QRFPR: variants seen among roughly 807,000 people sequenced by gnomAD.
QRFPR encodes pyroglutamylated RF-amide peptide receptor.
A neutral mutation model predicts 31.3 loss-of-function variants in QRFPR; 37 were observed. That is an observed-to-expected ratio of 1.18 (90% CI 0.91 to 1.56). The LOEUF (loss-of-function observed/expected upper bound fraction) is 1.56, where lower values mean the gene tolerates loss of function less well. Among genes scored for constraint, QRFPR ranks in the 40% most tolerant of loss-of-function variants. The probability of loss-of-function intolerance (pLI) is 0.00; values close to 1 mark genes in which losing one functional copy is unlikely to be tolerated. For missense variants in QRFPR, 542 were observed against 532.5 expected, an observed-to-expected ratio of 1.02 and a Z score of -0.18; for synonymous variants, 197 against 192.0, an observed-to-expected ratio of 1.03 and a Z score of -0.22.
At chr4:121,370,174 C>T in intron 1 of QRFPR, 3 of 770,284 alleles carry the variant, frequency 3.9e-6, no homozygotes, top group Admixed American at 1.7e-5. Context: ...TCTGAAATCA[C>T]TGGCTTCCAA....
At chr4:121,356,774 T>C (rs907555005) in intron 1 of QRFPR, among the ~76,000 whole-genome samples, 4 of 152,092 alleles carry the variant, frequency 2.6e-5, no homozygotes, top group Non-Finnish European at 5.9e-5. Context: ...TTCTCCATTA[T>C]GGGCTGCCTG....
intron 1 of QRFPR, among the ~76,000 whole-genome samples, chr4:121,351,568 C>G (rs1346388067): frequency 2.6e-5 from 4 of 151,768 alleles, no homozygotes; most frequent in African/African-American, 9.7e-5. Flanking sequence ...GACAGTAAAG[C>G]AGAAATCAGA....
chr4:121,345,043 G>A (rs72668969), intron 1 of QRFPR, among the ~76,000 whole-genome samples: 6,672 of 152,236 alleles, frequency 0.044, 230 homozygotes, highest in East Asian at 0.11. Context: ...CCTGGAATGT[G>A]TATTTCTCAT....
At chr4:121,336,991 T>C in intron 2 of QRFPR, 123 bp from the exon 3 acceptor site, 1 of 845,036 alleles carries the variant, frequency 1.2e-6, no homozygotes, top group South Asian at 1.4e-5. Flanking sequence ...GGCAGTGCCA[T>C]GGTCTCCCCC....
chr4:121,369,809 G>T, intron 1 of QRFPR: 1 of 1,391,346 alleles, frequency 7.2e-7, no homozygotes, highest in Non-Finnish European at 1.0e-6. Flanking sequence ...TGAAAAGTGA[G>T]AAGTGGTGCT....
At chr4:121,361,910 C>CG (rs1560742108) in intron 1 of QRFPR, among the ~76,000 whole-genome samples, 1 of 150,260 alleles carries the variant, frequency 6.7e-6, no homozygotes, top group Non-Finnish European at 1.5e-5. Context: ...CTCCTGTTCC[C>CG]TTTTCAAATT....
At chr4:121,350,373 G>A (rs1725740684) in intron 1 of QRFPR, among the ~76,000 whole-genome samples, 1 of 152,072 alleles carries the variant, frequency 6.6e-6, no homozygotes, top group Admixed American at 6.6e-5. Context: ...GGTGTCTGGT[G>A]GTTTGATTGA....
intron 1 of QRFPR, among the ~76,000 whole-genome samples, chr4:121,363,576 T>C (rs752740005): frequency 1.3e-5 from 2 of 149,800 alleles, no homozygotes; most frequent in African/African-American, 5.0e-5. Context: ...TTCTTTCTCT[T>C]TGGAAAAAGA....
intron 1 of QRFPR, among the ~76,000 whole-genome samples, chr4:121,343,741 G>A (rs973939825): frequency 6.6e-6 from 1 of 151,834 alleles, no homozygotes; most frequent in African/African-American, 2.4e-5. Context: ...TAAATAATTT[G>A]GTTGAAAGGA....
chr4:121,340,461 T>G lies in QRFPR; in HGVS notation c.490A>C (p.Thr164Pro). ...KWQYTNRRAFTMLGVVWLVAV... is the reference protein window; with the variant it reads ...KWQYTNRRAFPMLGVVWLVAV... The stretch of plus-strand genomic sequence containing the variant: ...CATCCAGTGGCCTCACCTAGCATTG[T>G]GAAAGCCCTTCGGTTGGTGTATTGC... The change falls in exon 2 of 6, where the codon ACA (threonine) becomes CCA (proline). Residue 164 changes from threonine to proline, a missense_variant. Coordinates refer to ENST00000394427, the MANE Select transcript of QRFPR (RefSeq NM_198179.3). 1 of 1,614,030 alleles carries G rather than the reference T, an allele frequency of 6.2e-7. No individual in the cohort carries two copies. The highest frequency in any genetic ancestry group is 8.5e-7 in the Non-Finnish European group (1 of 1,179,934).
chr4:121,349,770 C>A (rs1725728969), intron 1 of QRFPR, among the ~76,000 whole-genome samples: 2 of 152,092 alleles, frequency 1.3e-5, no homozygotes, highest in East Asian at 3.8e-4. Flanking sequence ...AAAATATTGG[C>A]CCCTGATTAC....
chr4:121,369,031 T>C (rs1007017896), intron 1 of QRFPR, among the ~76,000 whole-genome samples: 17 of 152,148 alleles, frequency 1.1e-4, no homozygotes, highest in African/African-American at 3.1e-4. Context: ...TTTTACTTTA[T>C]TTATTTATTT....
chr4:121,352,949 T>C (rs1725792265), intron 1 of QRFPR, among the ~76,000 whole-genome samples: 2 of 152,210 alleles, frequency 1.3e-5, no homozygotes, highest in South Asian at 4.1e-4. Context: ...TTCCCACATA[T>C]GAGTGAGAAC....
At chr4:121,333,665 C>T (rs1725379138) in intron 3 of QRFPR, among the ~76,000 whole-genome samples, 1 of 152,132 alleles carries the variant, frequency 6.6e-6, no homozygotes, top group South Asian at 2.1e-4. Flanking sequence ...ATTGTACCTG[C>T]TGGTTTATTC....
At chr4:121,380,207 G>GAGAGAGAGAT in intron 1 of QRFPR, 101 bp downstream of exon 1, 3 of 382,794 alleles carry the variant, frequency 7.8e-6, no homozygotes, top group Non-Finnish European at 1.4e-5. Context: ...GAGAGAGAGA[G>GAGAGAGAGAT]AGAGAGAGAG....
At chr4:121,331,622 C>CATTATTATTATT (rs59488750) in intron 4 of QRFPR, among the ~76,000 whole-genome samples, 73 of 142,722 alleles carry the variant, frequency 5.1e-4, no homozygotes, top group East Asian at 1.0e-3. Flanking sequence ...CTCATTATCT[C>CATTATTATTATT]ATTATTATTA....
At position 121,341,135 on chromosome 4, in the gene QRFPR, C is replaced by T. The variant is rs184443689; in HGVS notation, c.341-525G>A. On this transcript the variant is annotated intron_variant, in intron 1 of 5. Coordinates refer to ENST00000394427, the MANE Select transcript of QRFPR (RefSeq NM_198179.3). Reference sequence around the variant, plus strand: ...ACTGATTTTACTTTCTCTAATGCAACGGTCTCAAAGTGGTGGCCACTAGGC... The same window carrying T: ...ACTGATTTTACTTTCTCTAATGCAATGGTCTCAAAGTGGTGGCCACTAGGC... Among the ~76,000 whole-genome samples, 17 of 152,300 alleles carry T rather than the reference C, an allele frequency of 1.1e-4. No homozygotes were observed. In the East Asian group the frequency reaches 1.3e-3, roughly 12 times the overall value.
At chr4:121,376,205 A>G (rs766646919) in intron 1 of QRFPR, among the ~76,000 whole-genome samples, 1 of 152,202 alleles carries the variant, frequency 6.6e-6, no homozygotes, top group Non-Finnish European at 1.5e-5. Flanking sequence ...CATTTATAAT[A>G]TTTGGGTGCA....
intron 1 of QRFPR, among the ~76,000 whole-genome samples, chr4:121,348,129 T>C (rs1486677829): frequency 6.6e-6 from 1 of 152,162 alleles, no homozygotes; most frequent in African/African-American, 2.4e-5. Flanking sequence ...TGTCTGAGTT[T>C]GAATCATGGG....
Sources: allele counts gnomAD v4.1 joint callset (sites outside exome capture counted in the v4.1 genomes callset), GRCh38; gene constraint gnomAD v4.1.1; transcripts MANE v1.5; gene names NCBI Gene and HGNC (gene_info 2026-07-23, HGNC 2026-07-21).